CNBD1: variants seen among roughly 807,000 people sequenced by gnomAD.
The protein encoded by CNBD1 is cyclic nucleotide binding domain containing 1.
CNBD1 carries 71 observed loss-of-function variants against 54.4 expected under a neutral mutation model. The ratio of observed to expected loss-of-function variants is 1.30; its 90% confidence interval spans 1.08 to 1.59. CNBD1 has a LOEUF of 1.59. CNBD1 is among the 40% of genes most tolerant of loss of function. The pLI, the probability that CNBD1 is intolerant of heterozygous loss-of-function variation, is 0.00. For synonymous variants in CNBD1, 182 were observed against 170.7 expected, an observed-to-expected ratio of 1.07 and a Z score of -0.51; for missense variants, 659 against 518.0, an observed-to-expected ratio of 1.27 and a Z score of -2.64.
At chr8:87,371,540 A>T (rs1442306517) in intron 10 of CNBD1, among the ~76,000 whole-genome samples, 1 of 152,058 alleles carries the variant, frequency 6.6e-6, no homozygotes. Flanking sequence ...ACCAAAAAAG[A>T]GAATTTTAGA....
At chr8:87,253,327 G>A (rs1276953306) in intron 6 of CNBD1, among the ~76,000 whole-genome samples, 1 of 152,116 alleles carries the variant, frequency 6.6e-6, no homozygotes, top group Non-Finnish European at 1.5e-5. Flanking sequence ...AGAAGTAACA[G>A]AGTGGAGATC....
At chr8:87,241,596 CAATG>C (rs1158945429) in intron 6 of CNBD1, among the ~76,000 whole-genome samples, 1 of 152,026 alleles carries the variant, frequency 6.6e-6, no homozygotes, top group Admixed American at 6.5e-5. Flanking sequence ...GAATGGATAA[CAATG>C]AAAGTGTCTA....
At chr8:87,292,942 A>T (rs1332325141) in intron 8 of CNBD1, among the ~76,000 whole-genome samples, 1 of 152,020 alleles carries the variant, frequency 6.6e-6, no homozygotes, top group African/African-American at 2.4e-5. Context: ...TTCTTGCTCT[A>T]TAGTATTGAA....
chr8:87,283,800 T>C (rs1384442452), intron 6 of CNBD1, among the ~76,000 whole-genome samples: 1 of 152,122 alleles, frequency 6.6e-6, no homozygotes, highest in Non-Finnish European at 1.5e-5. Flanking sequence ...CCATCTCCTG[T>C]TCCTACATGT....
At chr8:87,355,973 A>G (rs560062124) in intron 10 of CNBD1, among the ~76,000 whole-genome samples, 63 of 152,136 alleles carry the variant, frequency 4.1e-4, no homozygotes, top group Non-Finnish European at 6.9e-4. Flanking sequence ...GCTCTTTAAA[A>G]GTGTCTGGCA....
intron 10 of CNBD1, among the ~76,000 whole-genome samples, chr8:87,372,315 C>A (rs1810828157): frequency 6.6e-6 from 1 of 152,066 alleles, no homozygotes; most frequent in Non-Finnish European, 1.5e-5. Flanking sequence ...ATGATGGGCC[C>A]TGTTGTAGAT....
intron 5 of CNBD1, among the ~76,000 whole-genome samples, chr8:87,228,386 T>C (rs575943648): frequency 8.7e-5 from 13 of 149,056 alleles, no homozygotes; most frequent in Non-Finnish European, 1.3e-4. Flanking sequence ...CTACTTTTGG[T>C]CTTTGATGAT....
intron 4 of CNBD1, among the ~76,000 whole-genome samples, chr8:87,138,313 A>G (rs1333677715): frequency 6.6e-6 from 1 of 152,186 alleles, no homozygotes; most frequent in Admixed American, 6.6e-5. Context: ...GAATTCAGGA[A>G]TGTGGGAATC....
intron 6 of CNBD1, among the ~76,000 whole-genome samples, chr8:87,256,267 C>T (rs1432882928): frequency 6.6e-6 from 1 of 151,316 alleles, no homozygotes; most frequent in East Asian, 2.0e-4. Flanking sequence ...AGTGATCCAC[C>T]CATCTCAGCC....
At chr8:87,294,270 G>C (rs1808835820) in intron 8 of CNBD1, among the ~76,000 whole-genome samples, 1 of 152,140 alleles carries the variant, frequency 6.6e-6, no homozygotes, top group Non-Finnish European at 1.5e-5. Context: ...GTATAGAATA[G>C]ATCTTTTCAA....
At chr8:86,951,753 T>C (rs1339904918) in intron 4 of CNBD1, among the ~76,000 whole-genome samples, 1 of 152,018 alleles carries the variant, frequency 6.6e-6, no homozygotes, top group Admixed American at 6.6e-5. Context: ...AGCTAAATTT[T>C]CTTTAATCAT....
intron 4 of CNBD1, among the ~76,000 whole-genome samples, chr8:86,952,359 G>A (rs1292396239): frequency 1.3e-5 from 2 of 151,898 alleles, no homozygotes; most frequent in Non-Finnish European, 2.9e-5. Context: ...ATCTGATAGT[G>A]GATTTTGCCT....
exon 3 of CNBD1, chr8:87,428,566 C>G: frequency 2.2e-6 from 1 of 453,738 alleles, no homozygotes; most frequent in Non-Finnish European, 4.4e-6. Flanking sequence ...AGTGACCAAG[C>G]AACTTATGCT....
chr8:86,955,080 G>T (rs544447581), intron 4 of CNBD1, among the ~76,000 whole-genome samples: 3 of 150,480 alleles, frequency 2.0e-5, no homozygotes, highest in African/African-American at 4.9e-5. Flanking sequence ...GAGAACATGC[G>T]GTGTTTGGTG....
chr8:87,032,689 C>T (rs1195518741), intron 4 of CNBD1, among the ~76,000 whole-genome samples: 1 of 152,150 alleles, frequency 6.6e-6, no homozygotes, highest in African/African-American at 2.4e-5. Flanking sequence ...AAAAATGTTT[C>T]TATATGTTAC....
intron 4 of CNBD1, among the ~76,000 whole-genome samples, chr8:87,093,553 C>G (rs550546226): frequency 6.6e-6 from 1 of 152,242 alleles, no homozygotes; most frequent in East Asian, 1.9e-4. Context: ...TCAAAGTCTA[C>G]TGATATAAAA....
chr8:86,958,344 G>T (rs71250439), intron 4 of CNBD1, among the ~76,000 whole-genome samples: 2 of 152,090 alleles, frequency 1.3e-5, no homozygotes. Context: ...GTGTCTATTA[G>T]GTCCTCATTG....
chr8:87,330,677 T>C (rs1051488380), intron 8 of CNBD1, among the ~76,000 whole-genome samples: 2 of 152,154 alleles, frequency 1.3e-5, no homozygotes, highest in Admixed American at 6.5e-5. Flanking sequence ...TTCTTTCACA[T>C]TTTTAAGGTT....
intron 4 of CNBD1, among the ~76,000 whole-genome samples, chr8:87,137,279 C>T (rs1812275472): frequency 6.7e-6 from 1 of 150,000 alleles, no homozygotes; most frequent in African/African-American, 2.5e-5. Flanking sequence ...TAACTGCAAG[C>T]TCCGCCTCCT....
Sources: gnomAD v4.1 joint callset for allele counts (sites outside exome capture counted in the v4.1 genomes callset) on GRCh38, gnomAD v4.1.1 for gene constraint, MANE v1.5 for transcripts, NCBI Gene and HGNC (gene_info 2026-07-23, HGNC 2026-07-21) for gene names.